IARS2: variants seen among roughly 807,000 people sequenced by gnomAD.
IARS2 encodes the protein isoleucine--tRNA ligase, mitochondrial.
Under a neutral mutation model 126.3 loss-of-function variants are expected in IARS2, and 56 were observed. The ratio of observed to expected loss-of-function variants is 0.44; its 90% CI spans 0.36 to 0.55. IARS2 has a LOEUF of 0.55. Ranked by LOEUF, IARS2 falls within the 20% of genes least tolerant of loss-of-function variation. The pLI is 0.00. For missense variants in IARS2, 1,127 were observed against 1,245.9 expected (o/e 0.90, Z 1.44); for synonymous variants, 407 against 441.1 (o/e 0.92, Z 0.97).
At chr1:220,123,698 C>T (rs201159939) in intron 12 of IARS2, among the ~76,000 whole-genome samples, 2,734 of 152,076 alleles carry the variant, frequency 0.018, 43 homozygotes, top group South Asian at 0.094. Context: ...AGGATGGTCT[C>T]GATCTCCTGA....
Position 220,100,662 on chromosome 1 carries a change from T to C in IARS2, c.550+13T>C, listed in dbSNP as rs1257190565. The C allele has an allele frequency of 1.0e-5, 16 of 1,581,758 alleles. No homozygotes were observed. The Admixed American group carries it at 2.6e-4, about 26-fold the overall frequency. On this transcript the variant is annotated intron_variant, in intron 3 of 22. Transcript: ENST00000366922. Reference sequence around the variant, plus strand: ...ATTAGAAAGAAAGGTAAATAATCTGTATTTCTGTTTTAAAATGATATTTGT... The same window carrying C: ...ATTAGAAAGAAAGGTAAATAATCTGCATTTCTGTTTTAAAATGATATTTGT...
At chr1:220,136,676 G>T (rs1657382254) in intron 15 of IARS2, 133 bp from the exon 16 acceptor site, 1 of 482,682 alleles carries the variant, frequency 2.1e-6, no homozygotes, top group Non-Finnish European at 3.6e-6. Context: ...AAAAGAAAAG[G>T]TTTTATTCAT....
chr1:220,145,490 T>C lies in IARS2; in HGVS notation c.2752-19T>C. ...TACAAATTTAACATAAACTGTAACTTTCACATGCTTCCTTCCAGATGCTGC... is the reference window on the plus strand; with the variant it reads ...TACAAATTTAACATAAACTGTAACTCTCACATGCTTCCTTCCAGATGCTGC... On this transcript the variant is annotated intron_variant, in intron 21 of 22. Coordinates refer to ENST00000366922, the MANE Select transcript of IARS2 (RefSeq NM_018060.4). 6.3e-7 allele frequency: 1 copy of C among 1,586,620 alleles called. No homozygotes were observed. The highest frequency in any genetic ancestry group is 8.6e-7 in the Non-Finnish European group (1 of 1,165,668).
chr1:220,096,108 G>C lies in IARS2; in HGVS notation c.272G>C (p.Cys91Ser). 7.0e-7 allele frequency: 1 copy of C among 1,438,762 alleles called. No homozygotes were observed. Among genetic ancestry groups the C allele is most frequent in the South Asian group, 1.2e-5 (1 of 81,576 alleles). 89.1% of individuals were successfully genotyped at this position (1,438,762 alleles called of 1,614,324 possible). Residue 91 changes from cysteine (C) to serine (S), a missense_variant, in exon 2 of 23, where the codon TGT becomes TCT. Physicochemically the swap from Cys to Ser is moderately radical, Grantham distance 112. Coordinates refer to ENST00000366922, the MANE Select transcript of IARS2 (RefSeq NM_018060.4). ...PDTELEIQQK[C>S]GFSELYSWQR... ...TCTTTTTTTTTTTTAAAACAGAAAT[G>C]TGGATTTTCAGAACTTTATTCATGG... is the stretch of plus-strand genomic sequence containing the variant.
intron 12 of IARS2, among the ~76,000 whole-genome samples, chr1:220,122,384 G>T (rs149209422): frequency 6.6e-6 from 1 of 152,296 alleles, no homozygotes; most frequent in Admixed American, 6.5e-5. Flanking sequence ...CTGATACGTA[G>T]TCTTCACTCT....
chr1:220,145,587 C>T lies in IARS2; in HGVS notation c.2830C>T (p.Gln944Ter), dbSNP rs1228106706. ...MMASESTLLAQEPREMTADVI... is the reference protein window; with the variant it reads ...MMASESTLLA The stretch of plus-strand genomic sequence containing the variant: ...GGCTTCTGAGTCAACTTTACTGGCT[C>T]AGGAACCACGAGAGATGACTGCAGA... Residue 944 changes from glutamine (Q) to a stop codon, truncating the protein, a stop_gained, in exon 22 of 23, where the codon CAG (glutamine) becomes TAG (stop). Coordinates refer to ENST00000366922, the MANE Select transcript of IARS2 (RefSeq NM_018060.4). LOFTEE classifies it high-confidence loss of function. The T allele has an allele frequency of 6.2e-7, 1 of 1,613,854 alleles. No homozygotes were observed. The highest frequency in any genetic ancestry group is 8.5e-7 in the Non-Finnish European group (1 of 1,179,836).
intron 12 of IARS2, among the ~76,000 whole-genome samples, chr1:220,123,664 A>C (rs1168161307): frequency 1.3e-5 from 2 of 151,838 alleles, no homozygotes; most frequent in Non-Finnish European, 2.9e-5. Context: ...TTTTTAGTAG[A>C]GATGGGGTTT....
Position 220,096,215 on chromosome 1 carries a change from G to A in IARS2, c.379G>A (p.Ala127Thr). The A allele has an allele frequency of 6.4e-7, 1 of 1,573,158 alleles. No individual in the cohort carries two copies. The change falls in exon 2 of 23, where the codon GCT becomes ACT. Residue 127 changes from alanine (A) to threonine (T), a missense_variant. Ala to Thr is a moderately conservative substitution (Grantham distance 58). Transcript: ENST00000366922. ...YANGDPHVGH[A>T]LNKILKDIAN... ...AAACGGTGACCCTCATGTTGGACAT[G>A]CTTTAAATAAGGTAACTATAATTTA...
At chr1:220,109,119 G>A (rs988384842) in intron 10 of IARS2, among the ~76,000 whole-genome samples, 3 of 151,904 alleles carry the variant, frequency 2.0e-5, no homozygotes, top group Non-Finnish European at 2.9e-5. Context: ...CTGCCAGCCC[G>A]GCCAGGCACG....
chr1:220,111,594 ATATATG>A (rs1483059883), intron 11 of IARS2, among the ~76,000 whole-genome samples: 44 of 139,674 alleles, frequency 3.2e-4, no homozygotes, highest in Middle Eastern at 7.4e-3. Flanking sequence ...ATATATATAT[ATATATG>A]TGTGTGTGTG....
chr1:220,109,267 G>C (rs1558122062), intron 10 of IARS2, among the ~76,000 whole-genome samples: 2 of 152,090 alleles, frequency 1.3e-5, no homozygotes. Flanking sequence ...AGGTGTGGTG[G>C]TAGGTGCCTG....
At chr1:220,126,097 ACT>A (rs1243735165) in intron 13 of IARS2, among the ~76,000 whole-genome samples, 2 of 144,420 alleles carry the variant, frequency 1.4e-5, no homozygotes, top group African/African-American at 5.2e-5. Context: ...ACAGAGTGAA[ACT>A]CTGTCTCAAA....
chr1:220,097,473 C>T (rs2102816054), intron 2 of IARS2, among the ~76,000 whole-genome samples: 1 of 150,914 alleles, frequency 6.6e-6, no homozygotes, highest in East Asian at 2.0e-4. Flanking sequence ...AAGCGATTCT[C>T]CTGCCTCAGC....
At chr1:220,118,893 G>A (rs995642460) in intron 12 of IARS2, among the ~76,000 whole-genome samples, 7 of 152,040 alleles carry the variant, frequency 4.6e-5, no homozygotes, top group South Asian at 2.1e-4. Flanking sequence ...CATAAATCTA[G>A]GATTAAACTA....
chr1:220,145,145 T>C (rs1009188417), intron 21 of IARS2, among the ~76,000 whole-genome samples: 1 of 151,688 alleles, frequency 6.6e-6, no homozygotes, highest in African/African-American at 2.4e-5. Context: ...TTCCACCACG[T>C]ATGGGTTGAG....
intron 12 of IARS2, among the ~76,000 whole-genome samples, chr1:220,119,244 G>C (rs1451459890): frequency 1.3e-5 from 2 of 152,064 alleles, no homozygotes; most frequent in African/African-American, 4.8e-5. Context: ...CCTAAGAAGG[G>C]ACACGTAATG....
At chr1:220,136,275 G>C (rs1373717713) in intron 15 of IARS2, among the ~76,000 whole-genome samples, 2 of 152,060 alleles carry the variant, frequency 1.3e-5, no homozygotes, top group Non-Finnish European at 2.9e-5. Context: ...GGGACTACTG[G>C]CACACACCAC....
chr1:220,112,107 A>G (rs188051279), intron 11 of IARS2, among the ~76,000 whole-genome samples: 7 of 134,574 alleles, frequency 5.2e-5, no homozygotes, highest in South Asian at 4.7e-4. Flanking sequence ...TTTTATCTAC[A>G]CCCCTCCGAC....
chr1:220,117,842 G>T lies in IARS2; in HGVS notation c.1640+3368G>T, dbSNP rs375458009. 7 of 522,838 alleles carry T rather than the reference G, an allele frequency of 1.3e-5. No homozygotes were observed. In the East Asian group the frequency reaches 3.8e-4, roughly 29 times the overall value. 32.4% of individuals were successfully genotyped at this position (522,838 alleles called of 1,614,324 possible). On this transcript the variant is annotated intron_variant, in intron 12 of 22. Coordinates refer to ENST00000366922, the MANE Select transcript of IARS2 (RefSeq NM_018060.4). ...TTGCGTTGGTTGCGTGGTGTTAGTCGATTTCTGATATTGAAGTAGCACAGT... is the reference window on the plus strand; with the variant it reads ...TTGCGTTGGTTGCGTGGTGTTAGTCTATTTCTGATATTGAAGTAGCACAGT...
Sources: gnomAD v4.1 joint callset for allele counts (sites outside exome capture counted in the v4.1 genomes callset) on GRCh38, gnomAD v4.1.1 for gene constraint, MANE v1.5 for transcripts, NCBI Gene and HGNC (gene_info 2026-07-23, HGNC 2026-07-21) for gene names.